DOCK1: variants seen among roughly 807,000 people sequenced by gnomAD.
DOCK1 encodes dedicator of cytokinesis 1.
Under a neutral mutation model 262.7 loss-of-function variants are expected in DOCK1, and 138 were observed. That is an observed-to-expected ratio of 0.53 (90% CI 0.46 to 0.61). The LOEUF is 0.61. DOCK1 is among the 20% of genes least tolerant of loss of function. The pLI is 0.00. For missense variants in DOCK1, 1,908 were observed against 2,370.7 expected, an observed-to-expected ratio of 0.80 and a Z score of 4.05; for synonymous variants, 866 against 867.4, an observed-to-expected ratio of 1.00 and a Z score of 0.03.
At chr10:127,167,502 TC>T (rs973804556) in intron 27 of DOCK1, among the ~76,000 whole-genome samples, 18 of 151,744 alleles carry the variant, frequency 1.2e-4, no homozygotes, top group Admixed American at 1.1e-3. Flanking sequence ...GCAGCGAGGT[TC>T]CCCCCCGCCC....
intron 1 of DOCK1, among the ~76,000 whole-genome samples, chr10:126,912,458 G>GGCTCAC (rs2031921742): frequency 1.3e-5 from 2 of 151,228 alleles, no homozygotes; most frequent in Non-Finnish European, 2.9e-5. Flanking sequence ...CGGGCGCGGT[G>GGCTCAC]GCTCACGCCT....
chr10:127,209,130 G>A (rs2057855784), intron 27 of DOCK1, among the ~76,000 whole-genome samples: 3 of 151,984 alleles, frequency 2.0e-5, no homozygotes, highest in Non-Finnish European at 4.4e-5. Flanking sequence ...TCCAGAATCA[G>A]TTCCTTGGTT....
intron 13 of DOCK1, among the ~76,000 whole-genome samples, chr10:127,021,525 A>G (rs2042421098): frequency 6.6e-6 from 1 of 152,128 alleles, no homozygotes; most frequent in African/African-American, 2.4e-5. Context: ...CTGAGAGATC[A>G]TGGAGTTTAT....
At chr10:127,154,336 G>A (rs992393508) in intron 27 of DOCK1, among the ~76,000 whole-genome samples, 2 of 152,134 alleles carry the variant, frequency 1.3e-5, no homozygotes, top group South Asian at 2.1e-4. Context: ...GGCAAAGTGC[G>A]GCCTGCAGGC....
intron 18 of DOCK1, among the ~76,000 whole-genome samples, chr10:127,034,661 A>C (rs1351642537): frequency 6.6e-6 from 1 of 152,152 alleles, no homozygotes; most frequent in African/African-American, 2.4e-5. Flanking sequence ...GGTGGGCCAC[A>C]CTTTAGCATT....
intron 25 of DOCK1, among the ~76,000 whole-genome samples, chr10:127,118,228 A>G (rs2049311200): frequency 8.8e-6 from 1 of 113,058 alleles, no homozygotes; most frequent in Non-Finnish European, 2.0e-5. Flanking sequence ...TCTGAACTTA[A>G]CACAAGCCAC....
intron 27 of DOCK1, among the ~76,000 whole-genome samples, chr10:127,218,361 A>AT (rs1229715102): frequency 6.6e-6 from 1 of 152,080 alleles, no homozygotes; most frequent in Non-Finnish European, 1.5e-5. Context: ...ACTTCAAGGG[A>AT]TTTTTCCATT....
chr10:127,396,516 G>A (rs2066857636), intron 38 of DOCK1, among the ~76,000 whole-genome samples: 1 of 152,112 alleles, frequency 6.6e-6, no homozygotes. Context: ...ACTCCGTAAA[G>A]GATGGTCTGC....
At chr10:127,109,522 G>A (rs1198261188) in intron 24 of DOCK1, among the ~76,000 whole-genome samples, 1 of 152,158 alleles carries the variant, frequency 6.6e-6, no homozygotes, top group Admixed American at 6.6e-5. Flanking sequence ...CAAGATCCCA[G>A]TGTCCATTTC....
At chr10:127,370,713 A>G (rs559015547) in intron 33 of DOCK1, among the ~76,000 whole-genome samples, 14 of 152,312 alleles carry the variant, frequency 9.2e-5, no homozygotes, top group Admixed American at 8.5e-4. Context: ...AATTAACAAG[A>G]CGTCAATATC....
chr10:127,079,624 G>A (rs1258804116), intron 23 of DOCK1, among the ~76,000 whole-genome samples: 1 of 152,198 alleles, frequency 6.6e-6, no homozygotes, highest in East Asian at 1.9e-4. Context: ...CACACCAGTT[G>A]TGTGATATGT....
chr10:127,414,074 G>T (rs1386459972), intron 43 of DOCK1, among the ~76,000 whole-genome samples: 1 of 152,084 alleles, frequency 6.6e-6, no homozygotes, highest in Admixed American at 6.6e-5. Flanking sequence ...ACCACATCTG[G>T]CTAATTTTTG....
intron 40 of DOCK1, 54 bp from the exon 41 acceptor site, chr10:127,408,983 A>T (rs2067684587): frequency 6.6e-7 from 1 of 1,525,856 alleles, no homozygotes; most frequent in African/African-American, 1.4e-5. Context: ...TTGCATGTGA[A>T]CTCTTCCTGG....
At position 127,012,221 on chromosome 10, in the gene DOCK1, G is replaced by A. The variant is rs762860388; in HGVS notation, c.1059-11G>A. The A allele has an allele frequency of 8.1e-6, 12 of 1,487,602 alleles. No homozygotes were observed. Among genetic ancestry groups the A allele is most frequent in the South Asian group, 2.3e-5 (2 of 88,356 alleles). The allele number at this position is 1,487,602 out of a possible 1,614,324, so 92.2% of individuals were successfully genotyped here. A position where few individuals can be genotyped will look rare whatever the true frequency, so the allele number is the denominator to read the frequency against. ...TGTCTCCTGTGGTCTTGGTCGTCCC[G>A]TGCCCTCCAGGCTCGCGTTGGACGA... On this transcript the variant is annotated splice_polypyrimidine_tract_variant and intron_variant, in intron 11 of 51. Transcript: ENST00000623213. This position sits in a 1 kb window ranked among gnomAD's most constrained non-coding sequence, Gnocchi z 4.0.
intron 1 of DOCK1, among the ~76,000 whole-genome samples, chr10:126,958,675 G>C (rs2036946851): frequency 6.6e-6 from 1 of 152,096 alleles, no homozygotes; most frequent in East Asian, 1.9e-4. Flanking sequence ...TGTGCCACAG[G>C]GCTCTATGAC....
At chr10:127,017,962 GATCCCGCGCAC>G (rs939298232) in intron 12 of DOCK1, among the ~76,000 whole-genome samples, 3 of 152,198 alleles carry the variant, frequency 2.0e-5, no homozygotes, top group African/African-American at 7.2e-5. Flanking sequence ...CAGGGAGGAA[GATCCCGCGCAC>G]ATCCCGCACA....
At chr10:127,046,522 G>A (rs2044356679) in intron 21 of DOCK1, among the ~76,000 whole-genome samples, 1 of 152,070 alleles carries the variant, frequency 6.6e-6, no homozygotes, top group Non-Finnish European at 1.5e-5. Context: ...GGGAGGCTGA[G>A]GTGGGCGGAT....
chr10:126,979,355 A>G (rs111255454), intron 3 of DOCK1, among the ~76,000 whole-genome samples: 8,923 of 152,166 alleles, frequency 0.059, 300 homozygotes, highest in Non-Finnish European at 0.068. Context: ...AGTGAGATCT[A>G]TCCCTAAAAA....
At chr10:126,928,553 C>T (rs1222839602) in intron 1 of DOCK1, among the ~76,000 whole-genome samples, 2 of 151,616 alleles carry the variant, frequency 1.3e-5, no homozygotes, top group Admixed American at 1.3e-4. Flanking sequence ...CAGGCCCTGC[C>T]CCCAAGGGCC....
Sources: gnomAD v4.1 joint callset for allele counts (sites outside exome capture counted in the v4.1 genomes callset) on GRCh38, gnomAD v4.1.1 for gene constraint, Gnocchi (gnomAD v3.1) non-coding constraint, MANE v1.5 for transcripts, NCBI Gene and HGNC (gene_info 2026-07-23, HGNC 2026-07-21) for gene names.